The following RTL4 variants were observed in gnomAD, a reference collection of about 807,000 sequenced individuals.
The protein encoded by RTL4 is retrotransposon Gag-like protein 4.
A neutral mutation model predicts 5.3 loss-of-function variants in RTL4; 4 were observed. The observed-to-expected ratio is 0.75, with a 90% confidence interval of 0.37 to 1.72. The LOEUF (loss-of-function observed/expected upper bound fraction) is 1.72, where lower values mean the gene tolerates loss of function less well. Among genes scored for constraint, RTL4 ranks in the 40% most tolerant of loss-of-function variants. The pLI is 0.04. For missense variants in RTL4, 260 were observed against 227.1 expected, an observed-to-expected ratio of 1.14 and a Z score of -0.93; for synonymous variants, 98 against 87.3, an observed-to-expected ratio of 1.12 and a Z score of -0.68.
chrX:112,217,477 T>C, the RTL4 span, among the ~76,000 whole-genome samples: 1 of 112,028 alleles, frequency 8.9e-6, no homozygotes, highest in South Asian at 3.7e-4. Flanking sequence ...AGAAATCACC[T>C]GGGCTCCAGT....
chrX:112,177,487 T>C, the RTL4 span, among the ~76,000 whole-genome samples: 3 of 110,442 alleles, frequency 2.7e-5, no homozygotes, highest in Non-Finnish European at 5.7e-5. Context: ...GGGAAATGTC[T>C]ATTCAGGTCT....
the RTL4 span, among the ~76,000 whole-genome samples, chrX:112,097,848 G>A: frequency 9.0e-6 from 1 of 111,511 alleles, no homozygotes; most frequent in Non-Finnish European, 1.9e-5. Flanking sequence ...TGAGCTGGAA[G>A]GGGCTGGGTG....
At chrX:112,160,089 T>C in the RTL4 span, among the ~76,000 whole-genome samples, 1 of 112,078 alleles carries the variant, frequency 8.9e-6, no homozygotes, top group Non-Finnish European at 1.9e-5. Flanking sequence ...AAGCAGAGGA[T>C]AAGTATTAAT....
At chrX:112,115,501 A>G in the RTL4 span, among the ~76,000 whole-genome samples, 1 of 111,324 alleles carries the variant, frequency 9.0e-6, no homozygotes. Flanking sequence ...GAAGAGTGAC[A>G]CCTTTTGTCC....
the RTL4 span, among the ~76,000 whole-genome samples, chrX:112,166,162 T>G: frequency 8.9e-6 from 1 of 112,146 alleles, no homozygotes; most frequent in Non-Finnish European, 1.9e-5. Flanking sequence ...CCCCGTCCAG[T>G]GAAAACACTC....
chrX:112,410,069 G>A, the RTL4 span, among the ~76,000 whole-genome samples: 5 of 111,450 alleles, frequency 4.5e-5, no homozygotes, highest in African/African-American at 1.6e-4. Flanking sequence ...TTAAAAAATC[G>A]GGAATAGCTA....
chrX:112,216,926 A>C, the RTL4 span, among the ~76,000 whole-genome samples: 1 of 111,944 alleles, frequency 8.9e-6, no homozygotes. Context: ...ATTTAATCCA[A>C]CAGTCCTTTG....
the RTL4 span, among the ~76,000 whole-genome samples, chrX:112,110,111 T>G: frequency 8.9e-6 from 1 of 111,911 alleles, no homozygotes. Context: ...GAGGGTGGTA[T>G]AAGAGTTTGA....
chrX:112,214,856 T>C, the RTL4 span, among the ~76,000 whole-genome samples: 1 of 110,537 alleles, frequency 9.0e-6, no homozygotes, highest in Non-Finnish European at 1.9e-5. Context: ...TGGTGCGATC[T>C]TGGCTCACTG....
chrX:112,271,246 A>C, the RTL4 span, among the ~76,000 whole-genome samples: 1 of 112,946 alleles, frequency 8.9e-6, no homozygotes, highest in Non-Finnish European at 1.9e-5. Context: ...ACAGAGTGTG[A>C]GATTAGCAAT....
At chrX:112,214,133 T>C in the RTL4 span, among the ~76,000 whole-genome samples, 4 of 111,875 alleles carry the variant, frequency 3.6e-5, no homozygotes, top group African/African-American at 1.3e-4. Flanking sequence ...GATGTATTTA[T>C]CTTGTGTAAC....
the RTL4 span, among the ~76,000 whole-genome samples, chrX:112,244,388 T>A: frequency 8.9e-6 from 1 of 111,934 alleles, no homozygotes; most frequent in East Asian, 2.8e-4. Flanking sequence ...CTGTATTGGG[T>A]GCATATATAT....
the RTL4 span, among the ~76,000 whole-genome samples, chrX:112,296,485 C>T: frequency 9.0e-6 from 1 of 111,583 alleles, no homozygotes; most frequent in East Asian, 2.8e-4. Context: ...CACATCCCTC[C>T]ACCAAACCCC....
the RTL4 span, among the ~76,000 whole-genome samples, chrX:112,125,853 C>T: frequency 3.0e-4 from 34 of 111,998 alleles, no homozygotes; most frequent in Admixed American, 2.8e-3. Context: ...CCAACATCTA[C>T]GATAACACTG....
the RTL4 span, among the ~76,000 whole-genome samples, chrX:112,424,084 A>G: frequency 8.9e-6 from 1 of 111,842 alleles, no homozygotes; most frequent in African/African-American, 3.2e-5. Context: ...GAGTAATCAG[A>G]ATCAACCATA....
chrX:112,227,622 G>T, the RTL4 span, among the ~76,000 whole-genome samples: 1 of 111,704 alleles, frequency 9.0e-6, no homozygotes, highest in Non-Finnish European at 1.9e-5. Flanking sequence ...ATTATCGAAG[G>T]TTCCTGTTCC....
At chrX:112,416,470 A>G in the RTL4 span, among the ~76,000 whole-genome samples, 2 of 112,254 alleles carry the variant, frequency 1.8e-5, no homozygotes, top group South Asian at 7.4e-4. Flanking sequence ...ACGCACCTGC[A>G]AGAACAGCAC....
chrX:112,370,536 C>A, the RTL4 span, among the ~76,000 whole-genome samples: 9 of 111,495 alleles, frequency 8.1e-5, no homozygotes, highest in Non-Finnish European at 1.5e-4. Context: ...AATTCATATG[C>A]AAATATTTTG....
At chrX:112,327,458 A>G in the RTL4 span, among the ~76,000 whole-genome samples, 1 of 110,331 alleles carries the variant, frequency 9.1e-6, no homozygotes, top group Non-Finnish European at 1.9e-5. Context: ...TTTAGAGAAA[A>G]AAGAATAAAA....
Sources: gnomAD v4.1 joint callset for allele counts (sites outside exome capture counted in the v4.1 genomes callset) on GRCh38, gnomAD v4.1.1 for gene constraint, MANE v1.5 for transcripts, NCBI Gene and HGNC (gene_info 2026-07-23, HGNC 2026-07-21) for gene names.